Variants in KCTD9 observed in about 807,000 individuals in gnomAD.
KCTD9 encodes the protein BTB/POZ domain-containing protein KCTD9.
Under a neutral mutation model 53.3 loss-of-function variants are expected in KCTD9, and 17 were observed. That is an observed-to-expected ratio of 0.32 (90% CI 0.22 to 0.48). The LOEUF (loss-of-function observed/expected upper bound fraction) is 0.48, where lower values mean the gene tolerates loss of function less well. KCTD9 is among the 20% of genes least tolerant of loss of function. The pLI is 0.99. For missense variants in KCTD9, 179 were observed against 465.5 expected (o/e 0.38, Z 5.66); for synonymous variants, 128 against 162.7 (o/e 0.79, Z 1.62).
chr8:25,450,060 A>G (rs1802290802), intron 1 of KCTD9, among the ~76,000 whole-genome samples: 2 of 152,190 alleles, frequency 1.3e-5, no homozygotes, highest in African/African-American at 4.8e-5. Flanking sequence ...CAATCAAAGT[A>G]CAACAGGTAT....
intron 1 of KCTD9, among the ~76,000 whole-genome samples, chr8:25,452,501 T>C (rs893535328): frequency 3.3e-5 from 5 of 152,204 alleles, no homozygotes; most frequent in Admixed American, 6.5e-5. Context: ...CTGAACCACA[T>C]TTCACCTGCA....
chr8:25,441,786 G>C (rs1436959603), intron 3 of KCTD9, among the ~76,000 whole-genome samples: 1 of 152,048 alleles, frequency 6.6e-6, no homozygotes. Flanking sequence ...GAGCTCAGGA[G>C]TTCGAGACCA....
At chr8:25,454,662 C>T (rs1802398136) in intron 1 of KCTD9, among the ~76,000 whole-genome samples, 1 of 152,054 alleles carries the variant, frequency 6.6e-6, no homozygotes, top group African/African-American at 2.4e-5. Context: ...CAAAAAAAAC[C>T]CTCAAAATTT....
At position 25,436,250 on chromosome 8, in the gene KCTD9, T is replaced by C; in HGVS notation, c.648A>G (p.Ser216=). ...TGCTAATTACCTGGCATCGCAGTTC[T>C]GACTTGGTTGGAGTTGCTAGCAAAA... ...VRFLLATPTK[S]ELRCQGLNFS... The change falls in exon 8 of 12, where the codon TCA becomes TCG. Residue 216 remains serine, a synonymous_variant. Coordinates refer to ENST00000221200, the MANE Select transcript of KCTD9 (RefSeq NM_017634.4). The C allele has an allele frequency of 6.2e-7, 1 of 1,602,942 alleles. No homozygotes were observed. Among genetic ancestry groups the C allele is most frequent in the Non-Finnish European group, 8.5e-7 (1 of 1,171,438 alleles).
intron 1 of KCTD9, among the ~76,000 whole-genome samples, chr8:25,456,273 G>A (rs1337423995): frequency 6.6e-6 from 1 of 152,238 alleles, no homozygotes; most frequent in Non-Finnish European, 1.5e-5. Flanking sequence ...ATTCCAACTG[G>A]TGGATGGGAA....
At position 25,429,651 on chromosome 8, in the gene KCTD9, A is replaced by G. The variant is rs1162706607; in HGVS notation, c.*206T>C. Reference sequence around the variant, plus strand: ...CTAGTTTCCCTACATCTATTAAATGAGTGCTTTTCTGTTAAAAATCAGAAT... The same window carrying G: ...CTAGTTTCCCTACATCTATTAAATGGGTGCTTTTCTGTTAAAAATCAGAAT... On this transcript the variant is annotated 3_prime_UTR_variant, in exon 12 of 12. Coordinates refer to ENST00000221200, the MANE Select transcript of KCTD9 (RefSeq NM_017634.4). 3 of 471,964 alleles carry G rather than the reference A, an allele frequency of 6.4e-6. No homozygotes were observed. The highest frequency in any genetic ancestry group is 6.0e-5 in the African/African-American group (3 of 50,108). The allele number at this position is 471,964 out of a possible 1,614,324, so 29.2% of individuals were successfully genotyped here.
chr8:25,448,806 T>C (rs975898928), intron 1 of KCTD9, among the ~76,000 whole-genome samples: 1 of 151,864 alleles, frequency 6.6e-6, no homozygotes, highest in Non-Finnish European at 1.5e-5. Flanking sequence ...TCCCAGCTAC[T>C]TGGGAGGCTG....
intron 1 of KCTD9, among the ~76,000 whole-genome samples, chr8:25,446,498 A>T (rs936420962): frequency 1.3e-5 from 2 of 152,212 alleles, no homozygotes; most frequent in Admixed American, 1.3e-4. Flanking sequence ...AAGGTGTGTT[A>T]AATAGCGCTC....
At chr8:25,438,540 A>G (rs1278605786) in intron 6 of KCTD9, among the ~76,000 whole-genome samples, 2 of 152,220 alleles carry the variant, frequency 1.3e-5, no homozygotes, top group African/African-American at 4.8e-5. Flanking sequence ...ACGTCTGACC[A>G]CTTTGCACAT....
chr8:25,457,442 T>G, intron 1 of KCTD9: 6 of 903,878 alleles, frequency 6.6e-6, no homozygotes, highest in Non-Finnish European at 7.9e-6. Context: ...AGAATTCGTT[T>G]TGGCTTGCTC....
intron 1 of KCTD9, among the ~76,000 whole-genome samples, chr8:25,447,694 T>C (rs1364149290): frequency 6.6e-6 from 1 of 152,198 alleles, no homozygotes; most frequent in Non-Finnish European, 1.5e-5. Context: ...TGGGGCATTT[T>C]GGAAAGTGTT....
intron 11 of KCTD9, 79 bp from the exon 12 acceptor site, chr8:25,430,052 G>T: frequency 1.2e-6 from 1 of 811,090 alleles, no homozygotes; most frequent in Admixed American, 1.9e-5. Flanking sequence ...ATGATTTCTG[G>T]GGCAGATTAG....
intron 8 of KCTD9, among the ~76,000 whole-genome samples, chr8:25,435,766 T>G (rs149005548): frequency 1.4e-4 from 21 of 152,288 alleles, no homozygotes; most frequent in African/African-American, 5.1e-4. Context: ...GTGTAGAAGC[T>G]TCTAAAGAGG....
intron 3 of KCTD9, among the ~76,000 whole-genome samples, chr8:25,442,224 TC>T (rs1164980555): frequency 6.6e-6 from 1 of 151,966 alleles, no homozygotes; most frequent in Non-Finnish European, 1.5e-5. Context: ...AGAAAACCAA[TC>T]CAGAACAACT....
At chr8:25,433,043 G>A (rs1448441105) in intron 10 of KCTD9, among the ~76,000 whole-genome samples, 1 of 152,146 alleles carries the variant, frequency 6.6e-6, no homozygotes, top group East Asian at 1.9e-4. Flanking sequence ...GTCAGTGTAA[G>A]AATATTTTAT....
intron 11 of KCTD9, among the ~76,000 whole-genome samples, chr8:25,430,537 C>T (rs1376534299): frequency 6.6e-6 from 1 of 152,184 alleles, no homozygotes; most frequent in Non-Finnish European, 1.5e-5. Flanking sequence ...GTCTCCAACA[C>T]CCCCAGATGG....
intron 1 of KCTD9, among the ~76,000 whole-genome samples, 183 bp from the exon 2 acceptor site, chr8:25,446,433 G>A (rs764488441): frequency 1.8e-4 from 27 of 151,976 alleles, no homozygotes; most frequent in Non-Finnish European, 3.5e-4. Flanking sequence ...TAATATTGCC[G>A]ACTCCTCAAC....
chr8:25,451,122 A>G (rs1392213589), intron 1 of KCTD9, among the ~76,000 whole-genome samples: 4 of 152,238 alleles, frequency 2.6e-5, no homozygotes, highest in African/African-American at 9.6e-5. Context: ...CCAACTAATC[A>G]TTCGCACATA....
At position 25,429,723 on chromosome 8, in the gene KCTD9, C is replaced by A; in HGVS notation, c.*134G>T. The A allele has an allele frequency of 1.5e-6, 1 of 650,952 alleles. No individual in the cohort carries two copies. The highest frequency in any genetic ancestry group is 2.8e-6 in the Non-Finnish European group (1 of 356,918). The allele number at this position is 650,952 out of a possible 1,614,324, so 40.3% of individuals were successfully genotyped here. A position where few individuals can be genotyped will look rare whatever the true frequency, so the allele number is the denominator to read the frequency against. ...TCCCTTATGCACCACTCAAAACAAG[C>A]ATAATCCTCTAAATGTTTTTTTTTT... On this transcript the variant is annotated 3_prime_UTR_variant, in exon 12 of 12. Transcript: ENST00000221200.
Sources: gnomAD v4.1 joint callset for allele counts (sites outside exome capture counted in the v4.1 genomes callset) on GRCh38, gnomAD v4.1.1 for gene constraint, MANE v1.5 for transcripts, NCBI Gene and HGNC (gene_info 2026-07-23, HGNC 2026-07-21) for gene names.